DISC1: variants seen among roughly 807,000 people sequenced by gnomAD.
The protein encoded by DISC1 is disrupted in schizophrenia 1 protein.
DISC1 carries 57 observed loss-of-function variants against 84.5 expected under a neutral mutation model. The ratio of observed to expected loss-of-function variants is 0.67; its 90% CI spans 0.55 to 0.84. The LOEUF is 0.84. Ranked by LOEUF, DISC1 falls within the 40% of genes least tolerant of loss-of-function variation. The probability of loss-of-function intolerance (pLI) is 0.00; values close to 1 mark genes in which losing one functional copy is unlikely to be tolerated. For missense variants in DISC1, 1,000 were observed against 1,057.8 expected (o/e 0.95, Z 0.76); for synonymous variants, 411 against 415.2 (o/e 0.99, Z 0.12).
Position 231,788,075 on chromosome 1 carries a change from G to T in DISC1, c.1635-7167G>T, listed in dbSNP as rs1011813552. ...AGGTGGGTGGATCACTTGAGGTCAG[G>T]AGTTTGAGACCAGTCTGGATAATAT... On this transcript the variant is annotated intron_variant, in intron 6 of 12. Coordinates refer to ENST00000439617, the MANE Select transcript of DISC1 (RefSeq NM_018662.3). Among the ~76,000 whole-genome samples the T allele has an allele frequency of 1.6e-4, 24 of 152,298 alleles. 1 individual carries two copies. The East Asian group carries it at 4.6e-3, about 29-fold the overall frequency.
rs749494452 is a variant in DISC1 at position 232,009,015 on chromosome 1, C to T, written c.2273C>T (p.Pro758Leu). 1.2e-6 allele frequency: 2 copies of T among 1,613,880 alleles called. No homozygotes were observed. The highest frequency in any genetic ancestry group is 4.5e-5 in the East Asian group (2 of 44,874). ...GAAGAATGGAAGACTCACCTCATCC[C>T]CTCTCTGCACTGTGCTGGAGGTGAA... ...VLEEWKTHLIPSLHCAGGEQK... is the reference protein window; with the variant it reads ...VLEEWKTHLILSLHCAGGEQK... The change falls in exon 11 of 13, where the codon CCC (proline) becomes CTC (leucine). Residue 758 changes from proline (P) to leucine (L), a missense_variant. This residue lies in a region of DISC1 where 397 missense variants were observed against 377.5 expected (regional missense o/e 1.05). Coordinates refer to ENST00000439617, the MANE Select transcript of DISC1 (RefSeq NM_018662.3). This position sits in a 1 kb window ranked among gnomAD's most constrained non-coding sequence, Gnocchi z 4.6.
intron 1 of DISC1, chr1:231,629,300 T>A (rs2058514474): frequency 6.5e-6 from 1 of 152,830 alleles, no homozygotes; most frequent in Non-Finnish European, 1.5e-5. Context: ...ACCCTTAGGA[T>A]AGCACATGAG....
intron 11 of DISC1, among the ~76,000 whole-genome samples, chr1:232,014,143 T>C (rs1668270670): frequency 6.6e-6 from 1 of 152,212 alleles, no homozygotes; most frequent in South Asian, 2.1e-4. Flanking sequence ...GTCCTCCTTG[T>C]CTTAAACTGA....
intron 6 of DISC1, among the ~76,000 whole-genome samples, chr1:231,775,445 C>T (rs77930366): frequency 2.0e-5 from 3 of 152,004 alleles, no homozygotes; most frequent in South Asian, 2.1e-4. Flanking sequence ...CAGTGATTTT[C>T]GGTTTGGGTG....
intron 3 of DISC1, among the ~76,000 whole-genome samples, chr1:231,745,057 T>TAA (rs34978512): frequency 1.3e-5 from 2 of 151,788 alleles, no homozygotes; most frequent in Non-Finnish European, 2.9e-5. Flanking sequence ...TTTTTTTAAA[T>TAA]AAAAAAATTT....
chr1:231,681,712 T>C (rs984343178), intron 1 of DISC1, among the ~76,000 whole-genome samples: 8 of 152,264 alleles, frequency 5.3e-5, no homozygotes, highest in Admixed American at 1.3e-4. Context: ...TTTTTTTTTT[T>C]TAGAAGGAGT....
At chr1:231,859,174 C>T (rs1413733045) in intron 9 of DISC1, among the ~76,000 whole-genome samples, 2 of 152,226 alleles carry the variant, frequency 1.3e-5, no homozygotes, top group Non-Finnish European at 2.9e-5. Context: ...CAATGTGCCC[C>T]ATGTCTATCT....
chr1:231,902,410 G>A (rs1288355923), intron 9 of DISC1, among the ~76,000 whole-genome samples: 1 of 152,038 alleles, frequency 6.6e-6, no homozygotes, highest in Non-Finnish European at 1.5e-5. Flanking sequence ...AGATCAGTCT[G>A]GCCAACATGA....
intron 9 of DISC1, among the ~76,000 whole-genome samples, chr1:231,866,131 C>T (rs1437058835): frequency 6.6e-6 from 1 of 152,020 alleles, no homozygotes; most frequent in East Asian, 1.9e-4. Context: ...CCATAGTGGC[C>T]CACATCCCCC....
intron 9 of DISC1, among the ~76,000 whole-genome samples, chr1:231,848,110 G>A (rs1185406661): frequency 1.3e-5 from 2 of 152,152 alleles, no homozygotes; most frequent in Non-Finnish European, 2.9e-5. Flanking sequence ...GCCTGTCTGT[G>A]ACTTTGATTG....
intron 9 of DISC1, among the ~76,000 whole-genome samples, chr1:231,944,719 G>A (rs1002428818): frequency 4.6e-5 from 7 of 152,146 alleles, no homozygotes; most frequent in African/African-American, 1.7e-4. Context: ...GCACAGACTG[G>A]CCATACTGTG....
intron 1 of DISC1, among the ~76,000 whole-genome samples, chr1:231,676,731 G>A (rs1044727580): frequency 6.6e-6 from 1 of 152,150 alleles, no homozygotes; most frequent in Non-Finnish European, 1.5e-5. Flanking sequence ...ATCCAGGATT[G>A]CCTCATTTAT....
intron 7 of DISC1, among the ~76,000 whole-genome samples, chr1:231,799,384 G>C (rs972681570): frequency 6.6e-6 from 1 of 152,038 alleles, no homozygotes; most frequent in Admixed American, 6.6e-5. Flanking sequence ...TATTCACTGC[G>C]TACTATGTGC....
At chr1:231,888,247 A>T (rs920446145) in intron 9 of DISC1, among the ~76,000 whole-genome samples, 1 of 152,184 alleles carries the variant, frequency 6.6e-6, no homozygotes, top group African/African-American at 2.4e-5. Context: ...CAAGAAGAGC[A>T]ACTGCACGGC....
At chr1:231,761,517 A>T (rs984350919) in intron 4 of DISC1, among the ~76,000 whole-genome samples, 3 of 152,152 alleles carry the variant, frequency 2.0e-5, no homozygotes, top group African/African-American at 7.2e-5. Flanking sequence ...TGAGAGACAG[A>T]CAGAAGAGTT....
intron 10 of DISC1, among the ~76,000 whole-genome samples, chr1:231,996,843 A>T (rs184472852): frequency 2.0e-5 from 3 of 152,338 alleles, no homozygotes; most frequent in Admixed American, 2.0e-4. Flanking sequence ...CTGAAATTGT[A>T]TCTGCTAGCT....
intron 9 of DISC1, among the ~76,000 whole-genome samples, chr1:231,947,091 A>C (rs1446744086): frequency 6.6e-6 from 1 of 152,212 alleles, no homozygotes; most frequent in Admixed American, 6.5e-5. Context: ...TCTTCACAGA[A>C]TTGGAAAAAA....
At chr1:232,019,593 G>A (rs1324311269) in intron 11 of DISC1, among the ~76,000 whole-genome samples, 2 of 152,098 alleles carry the variant, frequency 1.3e-5, no homozygotes. Flanking sequence ...TTGATTTAAA[G>A]TACAAATGGG....
chr1:231,772,613 A>G (rs2076639908), intron 6 of DISC1, among the ~76,000 whole-genome samples: 1 of 152,214 alleles, frequency 6.6e-6, no homozygotes, highest in Non-Finnish European at 1.5e-5. Flanking sequence ...GGTAGTACAT[A>G]GAAAACTCTC....
Sources: gnomAD v4.1 joint callset for allele counts (sites outside exome capture counted in the v4.1 genomes callset) on GRCh38, gnomAD v4.1.1 for gene constraint, gnomAD v4.1.1 regional missense constraint, Gnocchi (gnomAD v3.1) non-coding constraint, MANE v1.5 for transcripts, NCBI Gene and HGNC (gene_info 2026-07-23, HGNC 2026-07-21) for gene names.